The following ZZZ3 variants were observed in gnomAD, a reference collection of about 807,000 sequenced individuals.
ZZZ3 encodes ZZ-type zinc finger-containing protein 3.
In ZZZ3, 22 loss-of-function variants were observed where a neutral mutation model predicts 95.2. The observed-to-expected ratio is 0.23, with a 90% CI of 0.17 to 0.33. The LOEUF (loss-of-function observed/expected upper bound fraction) is 0.33, where lower values mean the gene tolerates loss of function less well. Among genes scored for constraint, ZZZ3 ranks in the 10% least tolerant of loss-of-function variants. ZZZ3 has a pLI of 1.00. For missense variants in ZZZ3, 885 were observed against 1,066.5 expected (o/e 0.83, Z 2.37); for synonymous variants, 335 against 358.9 (o/e 0.93, Z 0.75).
At chr1:77,617,764 C>T (rs1666453252) in intron 5 of ZZZ3, among the ~76,000 whole-genome samples, 2 of 149,778 alleles carry the variant, frequency 1.3e-5, no homozygotes, top group Admixed American at 1.3e-4. Context: ...CACGTGAAAC[C>T]CTGCCTCTAC....
intron 1 of ZZZ3, among the ~76,000 whole-genome samples, chr1:77,644,975 CTCTTT>C (rs1369443231): frequency 6.6e-6 from 1 of 152,110 alleles, no homozygotes; most frequent in African/African-American, 2.4e-5. Flanking sequence ...GTCATCTCAG[CTCTTT>C]AAGAGACCGA....
chr1:77,587,124 CA>C (rs1663156120), intron 5 of ZZZ3, among the ~76,000 whole-genome samples: 1 of 152,090 alleles, frequency 6.6e-6, no homozygotes, highest in Admixed American at 6.5e-5. Flanking sequence ...AGATGAAGTA[CA>C]AATACGGCTG....
chr1:77,651,028 C>A (rs1669756974), intron 1 of ZZZ3, among the ~76,000 whole-genome samples: 1 of 152,146 alleles, frequency 6.6e-6, no homozygotes, highest in South Asian at 2.1e-4. Context: ...TGAACCCCTA[C>A]CTCACACCAT....
intron 4 of ZZZ3, among the ~76,000 whole-genome samples, chr1:77,636,191 C>A (rs1232316342): frequency 6.6e-6 from 1 of 152,078 alleles, no homozygotes; most frequent in Non-Finnish European, 1.5e-5. Context: ...ACAAAAGAAT[C>A]TGTTAGTCTT....
intron 12 of ZZZ3, among the ~76,000 whole-genome samples, chr1:77,569,788 A>T (rs1230681479): frequency 6.6e-6 from 1 of 152,102 alleles, no homozygotes; most frequent in African/African-American, 2.4e-5. Context: ...TAATCAGCTT[A>T]TTTTTTTAAC....
intron 13 of ZZZ3, 98 bp from the exon 14 acceptor site, chr1:77,566,279 C>T: frequency 1.3e-6 from 1 of 764,190 alleles, no homozygotes; most frequent in African/African-American, 1.8e-5. Context: ...CAGACATCTT[C>T]TCTTCTCTCT....
At chr1:77,569,949 C>T (rs11162365) in intron 12 of ZZZ3, among the ~76,000 whole-genome samples, 103,543 of 152,034 alleles carry the variant, frequency 0.68, 36,061 homozygotes, top group Non-Finnish European at 0.76. Context: ...CTGATCCATG[C>T]TCTGTAAATT....
intron 1 of ZZZ3, among the ~76,000 whole-genome samples, chr1:77,670,819 G>C (rs1228185472): frequency 2.3e-4 from 35 of 151,220 alleles, no homozygotes; most frequent in Non-Finnish European, 8.8e-5. Flanking sequence ...GCTGTCATGC[G>C]GGTATGCATG....
intron 13 of ZZZ3, among the ~76,000 whole-genome samples, chr1:77,567,155 C>T (rs1347200768): frequency 1.3e-5 from 2 of 152,168 alleles, no homozygotes; most frequent in African/African-American, 4.8e-5. Flanking sequence ...GTGCACCCAC[C>T]AACACCACCA....
intron 12 of ZZZ3, among the ~76,000 whole-genome samples, chr1:77,573,982 GTAAAA>G (rs1256337890): frequency 1.3e-5 from 2 of 151,410 alleles, no homozygotes; most frequent in African/African-American, 4.8e-5. Flanking sequence ...TATATGTAAA[GTAAAA>G]TAAAGTGAAT....
chr1:77,592,794 T>G (rs1185961187), intron 5 of ZZZ3, among the ~76,000 whole-genome samples: 1 of 152,206 alleles, frequency 6.6e-6, no homozygotes, highest in Admixed American at 6.5e-5. Flanking sequence ...AAATTTTCAC[T>G]TCTGGAAAAC....
intron 1 of ZZZ3, among the ~76,000 whole-genome samples, chr1:77,677,680 T>G (rs1165070959): frequency 3.3e-5 from 5 of 152,164 alleles, no homozygotes; most frequent in Non-Finnish European, 5.9e-5. Flanking sequence ...GTTCTTCACA[T>G]AGGGGAATAA....
chr1:77,604,545 A>G (rs1255750581), intron 5 of ZZZ3, among the ~76,000 whole-genome samples: 3 of 152,230 alleles, frequency 2.0e-5, no homozygotes, highest in Non-Finnish European at 4.4e-5. Flanking sequence ...ACTAGAAGTA[A>G]TATTTCTAGT....
intron 1 of ZZZ3, among the ~76,000 whole-genome samples, chr1:77,671,261 C>G (rs1216072259): frequency 1.3e-5 from 2 of 152,110 alleles, no homozygotes; most frequent in Non-Finnish European, 2.9e-5. Flanking sequence ...CCCAAATAAA[C>G]ATTATTTTCT....
intron 1 of ZZZ3, among the ~76,000 whole-genome samples, chr1:77,644,613 T>C (rs1669091002): frequency 6.6e-6 from 1 of 152,226 alleles, no homozygotes; most frequent in African/African-American, 2.4e-5. Context: ...TCAATAATTA[T>C]TTCGCCATGA....
chr1:77,681,354 T>G (rs1345326879), intron 1 of ZZZ3, among the ~76,000 whole-genome samples: 1 of 152,054 alleles, frequency 6.6e-6, no homozygotes, highest in Non-Finnish European at 1.5e-5. Flanking sequence ...TATGAATAAA[T>G]TAACTAGTCA....
intron 5 of ZZZ3, 24 bp from the exon 6 acceptor site, chr1:77,584,679 T>A: frequency 6.5e-7 from 1 of 1,527,028 alleles, no homozygotes; most frequent in South Asian, 1.3e-5. Flanking sequence ...GAAAAATATT[T>A]CACAAAAATT....
In ZZZ3 at chr1:77,563,078, T is replaced by TA. The variant is rs1489835165; in HGVS notation, c.*2561_*2562insT. 3.3e-5 allele frequency: 5 copies of TA among 152,322 alleles called. No homozygotes were observed. The East Asian group carries it at 7.7e-4, about 23-fold the overall frequency. The allele number at this position is 152,322 out of a possible 1,614,324, so 9.4% of individuals were successfully genotyped here. ...CATAGTAAACACTGTATCAGTGTTT[T>TA]CTATTATTATGCATCACACAAAAGG... On this transcript the variant is annotated 3_prime_UTR_variant, in exon 15 of 15. Coordinates refer to ENST00000370801, the MANE Select transcript of ZZZ3 (RefSeq NM_015534.6).
chr1:77,665,743 GT>G (rs1671186907), intron 1 of ZZZ3, among the ~76,000 whole-genome samples: 1 of 152,070 alleles, frequency 6.6e-6, no homozygotes, highest in Non-Finnish European at 1.5e-5. Context: ...AAATTTTAAA[GT>G]TTTAAAGTAT....
Sources: gnomAD v4.1 joint callset for allele counts (sites outside exome capture counted in the v4.1 genomes callset) on GRCh38, gnomAD v4.1.1 for gene constraint, MANE v1.5 for transcripts, NCBI Gene and HGNC (gene_info 2026-07-23, HGNC 2026-07-21) for gene names.